The following AFG1L variants were observed in gnomAD, a reference collection of about 807,000 sequenced individuals.
AFG1L encodes AFG1-like ATPase.
A neutral mutation model predicts 62.2 loss-of-function variants in AFG1L; 53 were observed. The observed-to-expected ratio is 0.85, with a 90% CI of 0.68 to 1.07. The LOEUF (loss-of-function observed/expected upper bound fraction) is 1.07, where lower values mean the gene tolerates loss of function less well. AFG1L is among the 50% of genes least tolerant of loss of function. The pLI, the probability that AFG1L is intolerant of heterozygous loss-of-function variation, is 0.00. For synonymous variants in AFG1L, 228 were observed against 210.3 expected, an observed-to-expected ratio of 1.08 and a Z score of -0.73; for missense variants, 555 against 590.5, an observed-to-expected ratio of 0.94 and a Z score of 0.62.
chr6:108,453,129 C>G (rs921280387), intron 8 of AFG1L, among the ~76,000 whole-genome samples: 1 of 152,178 alleles, frequency 6.6e-6, no homozygotes, highest in Non-Finnish European at 1.5e-5. Flanking sequence ...CTGAAGTCAT[C>G]CACCACTTCA....
chr6:108,507,385 T>C (rs1334904757), intron 10 of AFG1L, among the ~76,000 whole-genome samples: 1 of 152,246 alleles, frequency 6.6e-6, no homozygotes, highest in Non-Finnish European at 1.5e-5. Flanking sequence ...AAGATAACTC[T>C]ACTGAGCTTT....
intron 2 of AFG1L, among the ~76,000 whole-genome samples, chr6:108,324,491 C>T (rs1777954516): frequency 6.6e-6 from 1 of 152,042 alleles, no homozygotes; most frequent in South Asian, 2.1e-4. Flanking sequence ...TTACTGGGGC[C>T]TTTGTATGGT....
chr6:108,399,178 G>GTTTTTTT lies in AFG1L; in HGVS notation c.749-2796_749-2790dup, dbSNP rs57304886. Among the ~76,000 whole-genome samples the GTTTTTTT allele has an allele frequency of 3.1e-4, 19 of 62,228 alleles. 3 individuals are homozygous for GTTTTTTT. Among genetic ancestry groups the GTTTTTTT allele is most frequent in the African/African-American group, 9.4e-4 (14 of 14,922 alleles). 40.8% of individuals were successfully genotyped at this position (62,228 alleles called of 152,430 possible). A position where few individuals can be genotyped will look rare whatever the true frequency, so the allele number is the denominator to read the frequency against. On this transcript the variant is annotated intron_variant, in intron 6 of 12. Transcript: ENST00000368977. ...CAAAGATCTGTCACTTCTTTTGTTT[G>GTTTTTTT]TTTTTTTTTTTTTTTTTTTTTTTTT...
chr6:108,416,903 C>T (rs1770320577), intron 7 of AFG1L, among the ~76,000 whole-genome samples: 1 of 151,542 alleles, frequency 6.6e-6, no homozygotes, highest in African/African-American at 2.4e-5. Context: ...TGCACATGTA[C>T]CCTAGAACTT....
chr6:108,319,758 G>A (rs1777748447), intron 1 of AFG1L: 2 of 436,620 alleles, frequency 4.6e-6, no homozygotes, highest in African/African-American at 2.0e-5. Flanking sequence ...ACAGATGTGT[G>A]CCACTCCACC....
intron 1 of AFG1L, among the ~76,000 whole-genome samples, chr6:108,318,720 G>C (rs1208486456): frequency 6.6e-6 from 1 of 152,184 alleles, no homozygotes; most frequent in Non-Finnish European, 1.5e-5. Flanking sequence ...GTATTCGAAA[G>C]AATAGCGCAG....
intron 4 of AFG1L, among the ~76,000 whole-genome samples, chr6:108,356,000 G>C (rs1779273294): frequency 6.6e-6 from 1 of 152,096 alleles, no homozygotes; most frequent in Non-Finnish European, 1.5e-5. Context: ...GGCATTTTCT[G>C]TTTCTACTAA....
At chr6:108,413,860 T>G (rs1042504908) in intron 7 of AFG1L, among the ~76,000 whole-genome samples, 2 of 151,692 alleles carry the variant, frequency 1.3e-5, no homozygotes, top group African/African-American at 4.8e-5. Context: ...TTAAAAGAAC[T>G]AGAGAAGCAA....
chr6:108,429,634 G>A (rs911477456), intron 7 of AFG1L, among the ~76,000 whole-genome samples: 2 of 152,168 alleles, frequency 1.3e-5, no homozygotes, highest in Non-Finnish European at 2.9e-5. Context: ...ATTGGTCTGT[G>A]TATCTACTTT....
intron 8 of AFG1L, among the ~76,000 whole-genome samples, chr6:108,460,666 A>T (rs535593420): frequency 6.6e-6 from 1 of 152,256 alleles, no homozygotes; most frequent in South Asian, 2.1e-4. Flanking sequence ...TCCTGGGCTC[A>T]AGAAGTCCTG....
At chr6:108,298,725 C>T (rs1776862901) in intron 1 of AFG1L, among the ~76,000 whole-genome samples, 1 of 152,064 alleles carries the variant, frequency 6.6e-6, no homozygotes, top group South Asian at 2.1e-4. Flanking sequence ...CTCAGTGGGA[C>T]ACTAGTGGAA....
At chr6:108,510,382 A>G (rs912567435) in intron 11 of AFG1L, 30 bp downstream of exon 11, 2 of 1,565,832 alleles carry the variant, frequency 1.3e-6, no homozygotes, top group Non-Finnish European at 1.7e-6. Context: ...TCTTAAAACT[A>G]AACACTTTGT....
At chr6:108,461,257 G>T (rs1220247414) in intron 8 of AFG1L, among the ~76,000 whole-genome samples, 1 of 152,156 alleles carries the variant, frequency 6.6e-6, no homozygotes, top group Non-Finnish European at 1.5e-5. Context: ...CCTGGGAGGG[G>T]GAAGGGCTCT....
At chr6:108,350,747 G>A (rs1779048501) in intron 3 of AFG1L, among the ~76,000 whole-genome samples, 2 of 152,174 alleles carry the variant, frequency 1.3e-5, no homozygotes, top group South Asian at 2.1e-4. Flanking sequence ...CACTAGAAGA[G>A]AATAAAAGTA....
chr6:108,473,964 C>T (rs768090359), intron 8 of AFG1L, among the ~76,000 whole-genome samples: 2 of 152,130 alleles, frequency 1.3e-5, no homozygotes, highest in African/African-American at 4.8e-5. Context: ...TTTGCTGCAC[C>T]GATCAACCCA....
chr6:108,348,833 T>C (rs1778968754), intron 3 of AFG1L, among the ~76,000 whole-genome samples: 1 of 152,230 alleles, frequency 6.6e-6, no homozygotes, highest in Non-Finnish European at 1.5e-5. Flanking sequence ...ACTTTGTTCC[T>C]CCTGTTACCT....
intron 10 of AFG1L, among the ~76,000 whole-genome samples, chr6:108,494,132 A>G (rs1332537599): frequency 1.3e-5 from 2 of 151,794 alleles, no homozygotes; most frequent in African/African-American, 4.8e-5. Flanking sequence ...TCACATTTTC[A>G]TTTTGGTTTT....
At chr6:108,408,961 G>C (rs1257899120) in intron 7 of AFG1L, among the ~76,000 whole-genome samples, 1 of 149,286 alleles carries the variant, frequency 6.7e-6, no homozygotes, top group Non-Finnish European at 1.5e-5. Flanking sequence ...CACACATTTA[G>C]AGGAACAGTT....
intron 2 of AFG1L, among the ~76,000 whole-genome samples, chr6:108,330,786 A>G (rs961064771): frequency 2.0e-5 from 3 of 152,222 alleles, no homozygotes; most frequent in Admixed American, 6.5e-5. Flanking sequence ...ACTTTAAATA[A>G]CAAATACTAT....
Sources: gnomAD v4.1 joint callset for allele counts (sites outside exome capture counted in the v4.1 genomes callset) on GRCh38, gnomAD v4.1.1 for gene constraint, MANE v1.5 for transcripts, NCBI Gene and HGNC (gene_info 2026-07-23, HGNC 2026-07-21) for gene names.